The following FAT3 variants were observed in gnomAD, a reference collection of about 807,000 sequenced individuals.
The protein encoded by FAT3 is protocadherin Fat 3.
In FAT3, 95 loss-of-function variants were observed where a neutral mutation model predicts 310.2. The ratio of observed to expected loss-of-function variants is 0.31; its 90% CI spans 0.26 to 0.36. The LOEUF is 0.36. Among genes scored for constraint, FAT3 ranks in the 10% least tolerant of loss-of-function variants. The pLI, the probability that FAT3 is intolerant of heterozygous loss-of-function variation, is 1.00. For synonymous variants in FAT3, 2,314 were observed against 2,192.9 expected (o/e 1.06, Z -1.54); for missense variants, 5,408 against 5,715.6 (o/e 0.95, Z 1.74).
chr11:92,412,102 ATTATTAT>A (rs1187829164), intron 2 of FAT3, among the ~76,000 whole-genome samples: 1 of 151,480 alleles, frequency 6.6e-6, no homozygotes, highest in African/African-American at 2.4e-5. Context: ...ACATGTTATT[ATTATTAT>A]TTATTATTTT....
chr11:92,799,014 G>A lies in FAT3; in HGVS notation c.6001G>A (p.Val2001Ile), dbSNP rs1176941309. Residue 2001 changes from valine to isoleucine, a missense_variant, in exon 10 of 28, where the codon GTT (valine) becomes ATT (isoleucine). Physicochemically the swap from Val to Ile is conservative, Grantham distance 29. Transcript: ENST00000525166. ...ISENNTNITK[V>I]AIVNAVGNRL... ...AGAGAACAACACTAACATAACCAAA[G>A]TTGCTATTGTCAATGCAGTTGGAAA... is the stretch of plus-strand genomic sequence containing the variant. 3 of 1,613,856 alleles carry A rather than the reference G, an allele frequency of 1.9e-6. No individual in the cohort carries two copies. The highest frequency in any genetic ancestry group is 2.2e-5 in the South Asian group (2 of 91,082).
intron 22 of FAT3, among the ~76,000 whole-genome samples, chr11:92,868,032 T>TAATGTA (rs1949292278): frequency 6.6e-6 from 1 of 152,200 alleles, no homozygotes; most frequent in Non-Finnish European, 1.5e-5. Context: ...GTGTCTGTGT[T>TAATGTA]AATGTAAACT....
At chr11:92,363,276 A>G (rs947568203) in intron 2 of FAT3, among the ~76,000 whole-genome samples, 2 of 152,196 alleles carry the variant, frequency 1.3e-5, no homozygotes, top group Admixed American at 1.3e-4. Flanking sequence ...CATAGTCAAG[A>G]GTGGGTGAGT....
chr11:92,321,164 C>T (rs1238293659), intron 1 of FAT3, among the ~76,000 whole-genome samples: 7 of 152,016 alleles, frequency 4.6e-5, no homozygotes, highest in Non-Finnish European at 7.4e-5. Flanking sequence ...TGGCCGGGCA[C>T]GGTGGCTCAC....
At chr11:92,378,574 C>T (rs946061161) in intron 2 of FAT3, among the ~76,000 whole-genome samples, 1 of 152,124 alleles carries the variant, frequency 6.6e-6, no homozygotes, top group African/African-American at 2.4e-5. Flanking sequence ...TCACCATCCT[C>T]TTAAAGATTT....
At chr11:92,821,614 A>G (rs556963563) in intron 13 of FAT3, among the ~76,000 whole-genome samples, 1 of 152,320 alleles carries the variant, frequency 6.6e-6, no homozygotes, top group African/African-American at 2.4e-5. Context: ...TCTGTTGTAG[A>G]TATCAAAAAT....
At chr11:92,345,568 A>T (rs1591142384) in intron 1 of FAT3, among the ~76,000 whole-genome samples, 1 of 152,174 alleles carries the variant, frequency 6.6e-6, no homozygotes, top group African/African-American at 2.4e-5. Context: ...AAGCCTTATG[A>T]TGGTTCTGAT....
At chr11:92,619,387 A>G (rs1940977799) in intron 3 of FAT3, among the ~76,000 whole-genome samples, 1 of 152,164 alleles carries the variant, frequency 6.6e-6, no homozygotes, top group Non-Finnish European at 1.5e-5. Flanking sequence ...GAATTGAGAA[A>G]TGTTCTCTTC....
intron 8 of FAT3, among the ~76,000 whole-genome samples, chr11:92,790,972 A>C (rs1466591673): frequency 6.6e-6 from 1 of 152,162 alleles, no homozygotes; most frequent in Admixed American, 6.5e-5. Flanking sequence ...AGAAGGACAG[A>C]CTTAATCTTC....
At chr11:92,785,020 C>T (rs1282579526) in intron 7 of FAT3, among the ~76,000 whole-genome samples, 2 of 151,604 alleles carry the variant, frequency 1.3e-5, no homozygotes, top group East Asian at 1.9e-4. Flanking sequence ...AAGAACAATA[C>T]CCAAAACTTT....
chr11:92,418,434 C>CA (rs1950464808), intron 2 of FAT3, among the ~76,000 whole-genome samples: 1 of 109,150 alleles, frequency 9.2e-6, no homozygotes, highest in African/African-American at 3.4e-5. Flanking sequence ...CCCCACCCCC[C>CA]CACACACACA....
chr11:92,334,405 TG>T (rs1217368284), intron 1 of FAT3, among the ~76,000 whole-genome samples: 1 of 152,178 alleles, frequency 6.6e-6, no homozygotes, highest in Non-Finnish European at 1.5e-5. Flanking sequence ...TCATTCCATT[TG>T]GTAGATCTTT....
chr11:92,890,567 C>T lies in FAT3; in HGVS notation c.13224C>T (p.Asn4408=), dbSNP rs777433256. 6.2e-7 allele frequency: 1 copy of T among 1,613,084 alleles called. No individual in the cohort carries two copies. The highest frequency in any genetic ancestry group is 8.5e-7 in the Non-Finnish European group (1 of 1,179,694). ...TAGAGGAAGTGCCCAACTATGAGAA[C>T]CAGGATGGAGGGTCTGCACACCAGG... is the stretch of plus-strand genomic sequence containing the variant. ...SDIEEVPNYE[N]QDGGSAHQGS... The change falls in exon 28 of 28, where the codon AAC becomes AAT. Residue 4408 remains asparagine, a synonymous_variant. Coordinates refer to ENST00000525166, the MANE Select transcript of FAT3 (RefSeq NM_001367949.2).
At chr11:92,440,227 G>A in intron 2 of FAT3, among the ~76,000 whole-genome samples, 1 of 152,130 alleles carries the variant, frequency 6.6e-6, no homozygotes, top group Non-Finnish European at 1.5e-5. Flanking sequence ...AGTTTATTAG[G>A]GATGGTCCTG....
chr11:92,353,279 C>T lies in FAT3; in HGVS notation c.1167C>T (p.Ser389=). Reference sequence around the variant, plus strand: ...ACGATGTGAGCATAAGTGAATTTTCCCCTCCTGGTGTCGTGGTTGCTATAG... The same window carrying T: ...ACGATGTGAGCATAAGTGAATTTTCTCCTCCTGGTGTCGTGGTTGCTATAG... ...EVYDVSISEF[S]PPGVVVAIVK... Residue 389 remains serine, a synonymous_variant, in exon 2 of 28, where the codon TCC becomes TCT. Coordinates refer to ENST00000525166, the MANE Select transcript of FAT3 (RefSeq NM_001367949.2). 6.2e-7 allele frequency: 1 copy of T among 1,613,574 alleles called. No individual in the cohort carries two copies. The highest frequency in any genetic ancestry group is 8.5e-7 in the Non-Finnish European group (1 of 1,179,774).
intron 3 of FAT3, among the ~76,000 whole-genome samples, chr11:92,563,384 G>A (rs767992893): frequency 9.9e-5 from 15 of 152,120 alleles, no homozygotes; most frequent in Non-Finnish European, 1.9e-4. Flanking sequence ...AAAACATTTT[G>A]AGCAGGCATT....
At chr11:92,583,553 G>A (rs979643202) in intron 3 of FAT3, among the ~76,000 whole-genome samples, 1 of 151,138 alleles carries the variant, frequency 6.6e-6, no homozygotes, top group Non-Finnish European at 1.5e-5. Flanking sequence ...TGGCCTCCTT[G>A]TCCCCCATTC....
intron 1 of FAT3, among the ~76,000 whole-genome samples, chr11:92,291,080 T>TACAC (rs141883138): frequency 0.2 from 28,641 of 142,668 alleles, 3,247 homozygotes; most frequent in African/African-American, 0.33. Context: ...CTTTTTATTC[T>TACAC]ACACACACAC....
intron 23 of FAT3, 142 bp from the exon 24 acceptor site, chr11:92,882,596 A>AACC: frequency 4.1e-6 from 1 of 246,416 alleles, no homozygotes; most frequent in East Asian, 6.4e-5. Context: ...CCCCCCCCCC[A>AACC]CCAACCATCT....
Sources: gnomAD v4.1 joint callset for allele counts (sites outside exome capture counted in the v4.1 genomes callset) on GRCh38, gnomAD v4.1.1 for gene constraint, MANE v1.5 for transcripts, NCBI Gene and HGNC (gene_info 2026-07-23, HGNC 2026-07-21) for gene names.